The following ANO10 variants were observed in gnomAD, a reference collection of about 807,000 sequenced individuals.
The protein encoded by ANO10 is anoctamin 10, also known as anoctamin-10.
A neutral mutation model predicts 74.7 loss-of-function variants in ANO10; 77 were observed. The ratio of observed to expected loss-of-function variants is 1.03; its 90% CI spans 0.86 to 1.25. The LOEUF (loss-of-function observed/expected upper bound fraction) is 1.25. Among genes scored for constraint, ANO10 ranks in the 50% most tolerant of loss-of-function variants. The pLI is 0.00. For synonymous variants in ANO10, 279 were observed against 284.9 expected, an observed-to-expected ratio of 0.98 and a Z score of 0.21; for missense variants, 721 against 778.1, an observed-to-expected ratio of 0.93 and a Z score of 0.87.
chr3:43,520,460 A>T (rs1439933535), intron 11 of ANO10, among the ~76,000 whole-genome samples: 1 of 152,176 alleles, frequency 6.6e-6, no homozygotes, highest in East Asian at 1.9e-4. Flanking sequence ...CATGGAGTCC[A>T]AACTTCATCC....
At chr3:43,680,374 G>A (rs1423252542) in intron 1 of ANO10, among the ~76,000 whole-genome samples, 1 of 152,122 alleles carries the variant, frequency 6.6e-6, no homozygotes, top group African/African-American at 2.4e-5. Flanking sequence ...AGCAAGAAGA[G>A]AAGTTTAGAG....
chr3:43,551,381 T>A (rs191742224), intron 10 of ANO10: 270 of 353,182 alleles, frequency 7.6e-4, no homozygotes, highest in Non-Finnish European at 1.3e-3. Flanking sequence ...AGGTTTTTTT[T>A]AAAATCACCT....
rs189550335 is a variant in ANO10 at position 43,420,878 on chromosome 3, T to G, written c.1914+11733A>C. 8.8e-4 allele frequency among the ~76,000 whole-genome samples: 134 copies of G among 152,342 alleles called. 1 individual carries two copies. The highest frequency in any genetic ancestry group is 3.4e-3 in the Middle Eastern group (1 of 294). ...CAAAAAGCTTCTTGTCTGGTAGTCA[T>G]AGACCAGTATCTTTAAATTCGATGA... On this transcript the variant is annotated intron_variant, in intron 12 of 12. Coordinates refer to ENST00000292246, the MANE Select transcript of ANO10 (RefSeq NM_018075.5).
chr3:43,451,984 A>G (rs150941420), intron 11 of ANO10, among the ~76,000 whole-genome samples: 94 of 152,302 alleles, frequency 6.2e-4, no homozygotes, highest in African/African-American at 2.2e-3. Flanking sequence ...AAGATTTGGT[A>G]TTAAATTATT....
At chr3:43,683,989 C>A (rs1322576465) in intron 1 of ANO10, among the ~76,000 whole-genome samples, 1 of 152,236 alleles carries the variant, frequency 6.6e-6, no homozygotes. Context: ...AGAAGAAAAC[C>A]TAGGCAATAG....
intron 11 of ANO10, among the ~76,000 whole-genome samples, chr3:43,500,985 C>T (rs2077079585): frequency 6.6e-6 from 1 of 152,318 alleles, no homozygotes; most frequent in East Asian, 1.9e-4. Flanking sequence ...GTTGAATCAA[C>T]TCAAATCTCT....
chr3:43,688,374 A>G (rs536559618), intron 1 of ANO10, among the ~76,000 whole-genome samples: 1 of 152,326 alleles, frequency 6.6e-6, no homozygotes, highest in East Asian at 1.9e-4. Context: ...CAGTTTCTGC[A>G]GACACACTAC....
At chr3:43,424,211 G>A (rs764730489) in intron 12 of ANO10, among the ~76,000 whole-genome samples, 10 of 152,152 alleles carry the variant, frequency 6.6e-5, no homozygotes, top group South Asian at 2.1e-4. Flanking sequence ...TGCAAAAATC[G>A]TTGCAGTGAG....
At chr3:43,567,196 T>G (rs2080409963) in intron 7 of ANO10, among the ~76,000 whole-genome samples, 1 of 152,100 alleles carries the variant, frequency 6.6e-6, no homozygotes, top group Admixed American at 6.5e-5. Flanking sequence ...AAAGACCAAA[T>G]CTACATCTGA....
chr3:43,484,908 C>CTT (rs1306985795), intron 11 of ANO10: 14 of 614,566 alleles, frequency 2.3e-5, no homozygotes, highest in Non-Finnish European at 3.3e-5. Context: ...CAGTTTATGT[C>CTT]TTTTTTTTTT....
chr3:43,471,228 A>C lies in ANO10; in HGVS notation c.1798-38501T>G, dbSNP rs1035568309. Among the ~76,000 whole-genome samples the C allele has an allele frequency of 3.9e-5, 6 of 152,218 alleles. No individual in the cohort carries two copies. The South Asian group carries it at 1.2e-3, about 31-fold the overall frequency. On this transcript the variant is annotated intron_variant, in intron 11 of 12. Coordinates refer to ENST00000292246, the MANE Select transcript of ANO10 (RefSeq NM_018075.5). ...AAACACTCAACCCCAGTTTTAACTA[A>C]CAGAAAAAGTATATCCAATTAAAAC...
chr3:43,691,347 G>C (rs1032616810), intron 1 of ANO10: 9 of 245,192 alleles, frequency 3.7e-5, no homozygotes, highest in Admixed American at 5.6e-5. Flanking sequence ...CCGCGGGCCG[G>C]CGACGGAGCT....
At position 43,662,370 on chromosome 3, in the gene ANO10, C is replaced by A. The variant is rs573704102; in HGVS notation, c.-12+29147G>T. Among the ~76,000 whole-genome samples the A allele has an allele frequency of 9.5e-4, 145 of 152,226 alleles. 1 individual carries two copies. The highest frequency in any genetic ancestry group is 3.4e-3 in the African/African-American group (142 of 41,538). The stretch of plus-strand genomic sequence containing the variant: ...TCTTTGAAACCAATGAGAACAAAGA[C>A]ACAACGTACCAGAATCTCTGGGACA... On this transcript the variant is annotated intron_variant, in intron 1 of 3. Transcript: ENST00000413397.
intron 4 of ANO10, 32 bp downstream of exon 4, chr3:43,598,500 T>C: frequency 4.3e-6 from 7 of 1,609,970 alleles, no homozygotes; most frequent in Non-Finnish European, 5.9e-6. Context: ...TTATGTCTAT[T>C]AAGAAAAAGA....
chr3:43,368,726 G>A (rs2091497151), intron 12 of ANO10, among the ~76,000 whole-genome samples: 1 of 140,538 alleles, frequency 7.1e-6, no homozygotes, highest in Non-Finnish European at 1.5e-5. Flanking sequence ...TCACTTTGTT[G>A]CCCAGGCTGG....
intron 11 of ANO10, among the ~76,000 whole-genome samples, chr3:43,433,487 T>C (rs540311694): frequency 2.1e-4 from 32 of 152,286 alleles, no homozygotes; most frequent in African/African-American, 7.2e-4. Context: ...AATCCTCTAA[T>C]CCCATAGCAT....
intron 4 of ANO10, among the ~76,000 whole-genome samples, chr3:43,581,559 T>C (rs1338036124): frequency 6.6e-6 from 1 of 152,182 alleles, no homozygotes; most frequent in Non-Finnish European, 1.5e-5. Flanking sequence ...TGTGCCATAT[T>C]TGGGGAGATG....
At chr3:43,671,793 A>T (rs1424051815) in intron 1 of ANO10, among the ~76,000 whole-genome samples, 3 of 152,286 alleles carry the variant, frequency 2.0e-5, no homozygotes, top group South Asian at 4.1e-4. Context: ...TGACAGAAAG[A>T]TATTCAATAG....
At chr3:43,658,612 GT>G in intron 1 of ANO10, among the ~76,000 whole-genome samples, 1 of 152,236 alleles carries the variant, frequency 6.6e-6, no homozygotes, top group East Asian at 1.9e-4. Context: ...TGGGATTACA[GT>G]CACCTGCCAA....
Sources: allele counts gnomAD v4.1 joint callset (sites outside exome capture counted in the v4.1 genomes callset), GRCh38; gene constraint gnomAD v4.1.1; transcripts MANE v1.5; gene names NCBI Gene and HGNC (gene_info 2026-07-23, HGNC 2026-07-21).